The following SRD5A2 variants were observed in gnomAD, a reference collection of about 807,000 sequenced individuals.
SRD5A2 encodes the protein 3-oxo-5-alpha-steroid 4-dehydrogenase 2.
A neutral mutation model predicts 27.4 loss-of-function variants in SRD5A2; 30 were observed. The ratio of observed to expected loss-of-function variants is 1.10; its 90% CI spans 0.82 to 1.49. The LOEUF (loss-of-function observed/expected upper bound fraction) is 1.49, where lower values mean the gene tolerates loss of function less well. Among genes scored for constraint, SRD5A2 ranks in the 40% most tolerant of loss-of-function variants. The probability of loss-of-function intolerance (pLI) is 0.00; values close to 1 mark genes in which losing one functional copy is unlikely to be tolerated. For synonymous variants in SRD5A2, 141 were observed against 133.6 expected, an observed-to-expected ratio of 1.06 and a Z score of -0.38; for missense variants, 348 against 323.4, an observed-to-expected ratio of 1.08 and a Z score of -0.58.
chr2:31,630,468 A>T, the SRD5A2 span, among the ~76,000 whole-genome samples: 1 of 152,010 alleles, frequency 6.6e-6, no homozygotes, highest in East Asian at 1.9e-4. Flanking sequence ...ACCCTATAAC[A>T]CTCCAATACT....
At chr2:31,594,945 G>T in the SRD5A2 span, among the ~76,000 whole-genome samples, 1 of 152,104 alleles carries the variant, frequency 6.6e-6, no homozygotes, top group African/African-American at 2.4e-5. Flanking sequence ...TCAATAATCT[G>T]CTCCTGAATA....
chr2:31,591,846 C>A, the SRD5A2 span, among the ~76,000 whole-genome samples: 1 of 124,726 alleles, frequency 8.0e-6, no homozygotes, highest in Non-Finnish European at 1.6e-5. Context: ...GACAAAAAAC[C>A]AAACACCGCA....
the SRD5A2 span, among the ~76,000 whole-genome samples, chr2:31,661,628 G>A: frequency 6.6e-6 from 1 of 152,156 alleles, no homozygotes; most frequent in Non-Finnish European, 1.5e-5. Flanking sequence ...TCTGTTTTCA[G>A]CAGTTGACTC....
chr2:31,593,011 CA>C, the SRD5A2 span, among the ~76,000 whole-genome samples: 1 of 151,384 alleles, frequency 6.6e-6, no homozygotes, highest in African/African-American at 2.4e-5. Flanking sequence ...ATCGCAAGGA[CA>C]AAAAACCAAA....
Position 31,554,627 on chromosome 2 carries a change from G to A in SRD5A2, c.282-20861C>T, listed in dbSNP as rs190191190. On this transcript the variant is annotated intron_variant, in intron 1 of 4. Transcript: ENST00000622030. The stretch of plus-strand genomic sequence containing the variant: ...TTGCATGTTGAGAATGATCACACAA[G>A]GTGACTTTGGCTCATCCCTTCTAAG... Among the ~76,000 whole-genome samples the A allele has an allele frequency of 1.5e-4, 23 of 152,302 alleles. No homozygotes were observed. In the Middle Eastern group the frequency reaches 0.014, roughly 90 times the overall value.
At chr2:31,592,489 C>T in the SRD5A2 span, among the ~76,000 whole-genome samples, 10 of 152,328 alleles carry the variant, frequency 6.6e-5, no homozygotes, top group African/African-American at 2.4e-4. Context: ...CACTGGCATT[C>T]ACAGCTGAGA....
the SRD5A2 span, among the ~76,000 whole-genome samples, chr2:31,591,442 T>C: frequency 1.3e-5 from 2 of 151,900 alleles, no homozygotes; most frequent in Non-Finnish European, 2.9e-5. Context: ...AAACAACAGG[T>C]GCTGGAGAGG....
At chr2:31,617,844 T>G in the SRD5A2 span, among the ~76,000 whole-genome samples, 2 of 152,212 alleles carry the variant, frequency 1.3e-5, no homozygotes, top group Non-Finnish European at 2.9e-5. Context: ...GTTCCAAACT[T>G]TCCCACATTT....
chr2:31,614,386 G>A, the SRD5A2 span, among the ~76,000 whole-genome samples: 1 of 152,204 alleles, frequency 6.6e-6, no homozygotes, highest in East Asian at 1.9e-4. Flanking sequence ...TCACATCTAG[G>A]TCATGCTGAT....
chr2:31,593,750 G>A, the SRD5A2 span, among the ~76,000 whole-genome samples: 2 of 152,088 alleles, frequency 1.3e-5, no homozygotes, highest in Non-Finnish European at 1.5e-5. Context: ...TAGCCACCAC[G>A]TTATCTAAAG....
chr2:31,559,838 ACACACACACACACACACAC>A (rs1666579885), intron 1 of SRD5A2, among the ~76,000 whole-genome samples: 1 of 146,104 alleles, frequency 6.8e-6, no homozygotes, highest in Admixed American at 6.8e-5. Flanking sequence ...AAACAAACCC[ACACACACACACACACACAC>A]ACACACACAC....
At chr2:31,596,952 T>C in the SRD5A2 span, among the ~76,000 whole-genome samples, 2 of 151,924 alleles carry the variant, frequency 1.3e-5, no homozygotes, top group Non-Finnish European at 1.5e-5. Flanking sequence ...GAAATTCCCA[T>C]CAAAATACCA....
chr2:31,548,022 T>C (rs1186910332), intron 1 of SRD5A2, among the ~76,000 whole-genome samples: 1 of 152,158 alleles, frequency 6.6e-6, no homozygotes, highest in African/African-American at 2.4e-5. Context: ...CAAATCATGC[T>C]GGGAAAACTG....
the SRD5A2 span, among the ~76,000 whole-genome samples, chr2:31,592,547 G>A: frequency 6.6e-6 from 1 of 152,156 alleles, no homozygotes; most frequent in African/African-American, 2.4e-5. Flanking sequence ...ACATTTTTCA[G>A]CACCAGCCCA....
chr2:31,602,862 T>C, the SRD5A2 span, among the ~76,000 whole-genome samples: 3 of 151,996 alleles, frequency 2.0e-5, no homozygotes, highest in Non-Finnish European at 4.4e-5. Flanking sequence ...TGGCTAGCCA[T>C]ATGCAAAGAA....
chr2:31,592,099 C>A, the SRD5A2 span, among the ~76,000 whole-genome samples: 11 of 146,214 alleles, frequency 7.5e-5, no homozygotes, highest in Non-Finnish European at 1.2e-4. Flanking sequence ...TAAAAAAAAA[C>A]AAAAATAAAA....
chr2:31,621,893 C>T, the SRD5A2 span, among the ~76,000 whole-genome samples: 1 of 152,044 alleles, frequency 6.6e-6, no homozygotes, highest in Non-Finnish European at 1.5e-5. Context: ...TTCTCCCACC[C>T]CCGCCTCCCA....
chr2:31,638,373 C>T, the SRD5A2 span, among the ~76,000 whole-genome samples: 1 of 152,110 alleles, frequency 6.6e-6, no homozygotes, highest in East Asian at 1.9e-4. Flanking sequence ...GAGAATGTTC[C>T]ATGTGCTGAT....
At chr2:31,582,425 G>C (rs1357611538), upstream of SRD5A2, among the ~76,000 whole-genome samples, 1 of 152,010 alleles carries the variant, frequency 6.6e-6, no homozygotes, top group East Asian at 1.9e-4. Context: ...ATTCCCATTG[G>C]GTTATAATTA....
Sources: gnomAD v4.1 joint callset for allele counts (sites outside exome capture counted in the v4.1 genomes callset) on GRCh38, gnomAD v4.1.1 for gene constraint, MANE v1.5 for transcripts, NCBI Gene and HGNC (gene_info 2026-07-23, HGNC 2026-07-21) for gene names.